KIAA0586: variants seen among roughly 807,000 people sequenced by gnomAD.
The protein encoded by KIAA0586 is KIAA0586.
In KIAA0586, 144 loss-of-function variants were observed where a neutral mutation model predicts 169.8. That is an observed-to-expected ratio of 0.85 (90% CI 0.74 to 0.97). The LOEUF is 0.97. Among genes scored for constraint, KIAA0586 ranks in the 50% least tolerant of loss-of-function variants. KIAA0586 has a pLI of 0.00. For missense variants in KIAA0586, 1,854 were observed against 1,823.0 expected, an observed-to-expected ratio of 1.02 and a Z score of -0.31; for synonymous variants, 625 against 612.4, an observed-to-expected ratio of 1.02 and a Z score of -0.30.
the KIAA0586 span, among the ~76,000 whole-genome samples, chr14:58,561,392 GTTTT>G: frequency 6.6e-6 from 1 of 152,106 alleles, no homozygotes; most frequent in Non-Finnish European, 1.5e-5. Flanking sequence ...ACACAGAAGG[GTTTT>G]TTTGATACTC....
Position 58,494,102 on chromosome 14 carries a change from C to CT in KIAA0586, c.3990+1837dup, listed in dbSNP as rs1036538779. Among the ~76,000 whole-genome samples, 690 of 149,022 alleles carry CT rather than the reference C, an allele frequency of 4.6e-3. 4 individuals are homozygous for CT. Among genetic ancestry groups the CT allele is most frequent in the African/African-American group, 0.016 (651 of 40,736 alleles). The stretch of plus-strand genomic sequence containing the variant: ...AAATTTATCTTCATTCTTTCTTTCT[C>CT]TTTTTTTTTTCTTCCTTTCATTTTT... On this transcript the variant is annotated intron_variant, in intron 26 of 30. Transcript: ENST00000652326.
chr14:58,557,589 C>T, the KIAA0586 span, among the ~76,000 whole-genome samples: 1 of 152,166 alleles, frequency 6.6e-6, no homozygotes, highest in East Asian at 1.9e-4. Context: ...TTTCAGAGAG[C>T]CAATAGACTA....
chr14:58,457,293 G>C (rs2039944345), intron 10 of KIAA0586, among the ~76,000 whole-genome samples: 1 of 151,846 alleles, frequency 6.6e-6, no homozygotes, highest in African/African-American at 2.4e-5. Flanking sequence ...TTTTGAGTCA[G>C]AGTCTTGCTC....
intron 28 of KIAA0586, among the ~76,000 whole-genome samples, chr14:58,509,364 A>G (rs745999454): frequency 6.6e-6 from 1 of 152,222 alleles, no homozygotes; most frequent in African/African-American, 2.4e-5. Flanking sequence ...ATTACATTGA[A>G]ATTTGTAAAA....
the KIAA0586 span, among the ~76,000 whole-genome samples, chr14:58,557,015 G>A: frequency 2.6e-5 from 4 of 152,202 alleles, no homozygotes; most frequent in African/African-American, 9.7e-5. Flanking sequence ...AAAGTGCTGG[G>A]ATTACAGGCA....
chr14:58,478,641 A>G (rs1240489321), intron 20 of KIAA0586, among the ~76,000 whole-genome samples: 1 of 152,170 alleles, frequency 6.6e-6, no homozygotes, highest in Non-Finnish European at 1.5e-5. Context: ...CCAGTTTCAC[A>G]AGTTCACACA....
At position 58,428,211 on chromosome 14, in the gene KIAA0586, AAC is replaced by A; in HGVS notation, c.-52_-51del. ...AAATTTTGTTCTGAAGTCTTAAGGA[AAC>A]AGAGAAAGTTTTTCCGTCCTTAAGT... On this transcript the variant is annotated 5_prime_UTR_variant, in exon 1 of 31. Coordinates refer to ENST00000652326, the MANE Select transcript of KIAA0586 (RefSeq NM_001329943.3). The A allele has an allele frequency of 6.4e-7, 1 of 1,570,000 alleles. No homozygotes were observed. Among genetic ancestry groups the A allele is most frequent in the South Asian group, 1.2e-5 (1 of 84,520 alleles).
intron 9 of KIAA0586, among the ~76,000 whole-genome samples, chr14:58,454,811 G>GCA (rs1328039435): frequency 6.6e-6 from 1 of 152,110 alleles, no homozygotes; most frequent in East Asian, 1.9e-4. Context: ...ATCCCTCTCT[G>GCA]CACACACACC....
At chr14:58,445,356 G>C (rs2038784264) in intron 6 of KIAA0586, among the ~76,000 whole-genome samples, 1 of 151,768 alleles carries the variant, frequency 6.6e-6, no homozygotes, top group Non-Finnish European at 1.5e-5. Context: ...AAGGCACTGG[G>C]CTATTATAAA....
At chr14:58,473,546 T>G (rs1279680249) in intron 18 of KIAA0586, among the ~76,000 whole-genome samples, 1 of 152,102 alleles carries the variant, frequency 6.6e-6, no homozygotes, top group Non-Finnish European at 1.5e-5. Context: ...GAGCAAAAAG[T>G]GATTTTGGAA....
chr14:58,427,467 A>T, upstream of KIAA0586: 1 of 845,756 alleles, frequency 1.2e-6, no homozygotes, highest in Non-Finnish European at 1.8e-6. Context: ...TAGTATTACA[A>T]GTCGGGAGCT....
At chr14:58,471,390 G>A (rs2041202029) in intron 17 of KIAA0586, among the ~76,000 whole-genome samples, 1 of 152,050 alleles carries the variant, frequency 6.6e-6, no homozygotes, top group Admixed American at 6.5e-5. Context: ...ATGTTACCTT[G>A]TTATCCCACT....
intron 16 of KIAA0586, among the ~76,000 whole-genome samples, chr14:58,468,347 C>T (rs961566313): frequency 7.9e-5 from 12 of 152,184 alleles, no homozygotes; most frequent in African/African-American, 2.2e-4. Flanking sequence ...CACCATGCCC[C>T]GCTGGCTCTG....
In KIAA0586 at chr14:58,547,766, T is replaced by C; in HGVS notation, c.4496-15T>C. 1 of 1,607,784 alleles carries C rather than the reference T, an allele frequency of 6.2e-7. No individual in the cohort carries two copies. The stretch of plus-strand genomic sequence containing the variant: ...GTTACGCATGTTGAGCTGAATGAGC[T>C]TCTCCTTTGTGCAGGTGGGAAAGCA... On this transcript the variant is annotated splice_polypyrimidine_tract_variant and intron_variant, in intron 30 of 30. Coordinates refer to ENST00000652326, the MANE Select transcript of KIAA0586 (RefSeq NM_001329943.3).
At chr14:58,468,116 G>A (rs1306167109) in intron 16 of KIAA0586, among the ~76,000 whole-genome samples, 194 bp downstream of exon 16, 2 of 152,102 alleles carry the variant, frequency 1.3e-5, no homozygotes, top group Admixed American at 1.3e-4. Context: ...CGCAATCTCG[G>A]CTCACTGCAA....
downstream of KIAA0586, among the ~76,000 whole-genome samples, chr14:58,554,916 T>TA (rs1182146931): frequency 1.2e-4 from 19 of 152,286 alleles, no homozygotes; most frequent in Admixed American, 3.9e-4. Flanking sequence ...GTTCTTTTTT[T>TA]ACCTTTCCTG....
At chr14:58,441,788 C>T (rs1474772594) in intron 4 of KIAA0586, 1 of 152,238 alleles carries the variant, frequency 6.6e-6, no homozygotes, top group Non-Finnish European at 1.5e-5. Flanking sequence ...CATACACCAC[C>T]ATGCCCAGCG....
Position 58,537,655 on chromosome 14 carries a change from C to A in KIAA0586, c.4430-2416C>A, listed in dbSNP as rs1281038505. 4.0e-5 allele frequency among the ~76,000 whole-genome samples: 6 copies of A among 148,498 alleles called. No homozygotes were observed. The East Asian group carries it at 1.2e-3, about 29-fold the overall frequency. On this transcript the variant is annotated intron_variant, in intron 29 of 30. Coordinates refer to ENST00000652326, the MANE Select transcript of KIAA0586 (RefSeq NM_001329943.3). The stretch of plus-strand genomic sequence containing the variant: ...CATTAACATCATAGTAAGCACTTTT[C>A]TTTTTTTTTTGAGACGGAGACTCGC...
intron 20 of KIAA0586, among the ~76,000 whole-genome samples, chr14:58,477,534 G>T (rs923528441): frequency 4.6e-5 from 7 of 151,994 alleles, no homozygotes; most frequent in Admixed American, 2.0e-4. Context: ...TTATATTAAG[G>T]TTGGTTTCCA....
Sources: allele counts gnomAD v4.1 joint callset (sites outside exome capture counted in the v4.1 genomes callset), GRCh38; gene constraint gnomAD v4.1.1; transcripts MANE v1.5; gene names NCBI Gene and HGNC (gene_info 2026-07-23, HGNC 2026-07-21).